Variants in PBX3 observed in about 807,000 individuals in gnomAD.
The protein encoded by PBX3 is pre-B-cell leukemia transcription factor 3.
A neutral mutation model predicts 48.5 loss-of-function variants in PBX3; 14 were observed. The ratio of observed to expected loss-of-function variants is 0.29; its 90% CI spans 0.19 to 0.45. PBX3 has a LOEUF of 0.45. Ranked by LOEUF, PBX3 falls within the 20% of genes least tolerant of loss-of-function variation. The probability of loss-of-function intolerance (pLI) is 1.00; values close to 1 mark genes in which losing one functional copy is unlikely to be tolerated. For synonymous variants in PBX3, 210 were observed against 200.3 expected (o/e 1.05, Z -0.41); for missense variants, 386 against 546.7 (o/e 0.71, Z 2.93).
chr9:125,785,322 G>A (rs141047847), intron 2 of PBX3, among the ~76,000 whole-genome samples: 1 of 152,216 alleles, frequency 6.6e-6, no homozygotes, highest in East Asian at 1.9e-4. Flanking sequence ...TACCCTCAGC[G>A]TGGGTGGGCA....
intron 2 of PBX3, among the ~76,000 whole-genome samples, chr9:125,887,872 C>T (rs999172265): frequency 6.6e-6 from 1 of 152,052 alleles, no homozygotes; most frequent in Admixed American, 6.6e-5. Context: ...TTATTAACTA[C>T]AAAATGCCAA....
chr9:125,945,327 G>T (rs549382484), intron 5 of PBX3, among the ~76,000 whole-genome samples: 8 of 152,268 alleles, frequency 5.3e-5, no homozygotes, highest in African/African-American at 1.9e-4. Flanking sequence ...CACAGAGTAA[G>T]TGAAGATATA....
At chr9:125,853,983 T>TAC (rs1196622138) in intron 2 of PBX3, among the ~76,000 whole-genome samples, 6 of 99,610 alleles carry the variant, frequency 6.0e-5, no homozygotes, top group Non-Finnish European at 8.9e-5. Flanking sequence ...TTGGCTGCTG[T>TAC]ATACACACAC....
intron 2 of PBX3, among the ~76,000 whole-genome samples, chr9:125,828,313 G>A (rs554487177): frequency 3.9e-5 from 6 of 151,958 alleles, no homozygotes; most frequent in Non-Finnish European, 8.8e-5. Context: ...AGCAACAAAT[G>A]GTTTATATAG....
intron 2 of PBX3, among the ~76,000 whole-genome samples, chr9:125,908,140 AAGAC>A (rs1204040322): frequency 6.6e-6 from 1 of 152,174 alleles, no homozygotes; most frequent in Non-Finnish European, 1.5e-5. Context: ...GAGAAACACA[AAGAC>A]AGAAAACATT....
Position 125,935,601 on chromosome 9 carries a change from G to T in PBX3, c.837G>T (p.Val279=). The change falls in exon 5 of 9, where the codon GTG becomes GTT. Residue 279 remains valine (V), a synonymous_variant. Coordinates refer to ENST00000373489, the MANE Select transcript of PBX3 (RefSeq NM_006195.6). ...EELAKKCSIT[V]SQVSNWFGNK... is the part of the protein sequence containing the mutation. The stretch of plus-strand genomic sequence containing the variant: ...TGGCCAAGAAATGCAGCATCACAGT[G>T]TCACAGGTGAGAAAGGACCCATGGG... 6.2e-7 allele frequency: 1 copy of T among 1,613,694 alleles called. No homozygotes were observed. The highest frequency in any genetic ancestry group is 8.5e-7 in the Non-Finnish European group (1 of 1,179,798).
In PBX3 at chr9:125,759,747, GA is replaced by G. The variant is rs1286327799; in HGVS notation, c.274+11125del. ...TTTTTCACACATAAGTTATGCAAAT[GA>G]GCTTTTATGGCAACTGGCATAACAA... On this transcript the variant is annotated intron_variant, in intron 2 of 8. Coordinates refer to ENST00000373489, the MANE Select transcript of PBX3 (RefSeq NM_006195.6). This position sits in a 1 kb window ranked among gnomAD's most constrained non-coding sequence, Gnocchi z 4.2. Among the ~76,000 whole-genome samples the G allele has an allele frequency of 2.6e-5, 4 of 152,212 alleles. No homozygotes were observed. The highest frequency in any genetic ancestry group is 9.6e-5 in the African/African-American group (4 of 41,456).
chr9:125,915,656 C>G lies in PBX3; in HGVS notation c.275-30C>G, dbSNP rs542646703. ...TTGTCCTCTGTTTCTCGCTTCTTCT[C>G]TCTCTGTCTCTCTCTCTCTTTCCTT... On this transcript the variant is annotated intron_variant, in intron 2 of 8. Transcript: ENST00000373489. 18 of 1,554,528 alleles carry G rather than the reference C, an allele frequency of 1.2e-5. No homozygotes were observed. The East Asian group carries it at 1.6e-4, about 14-fold the overall frequency.
chr9:125,788,809 A>C (rs2132056316), intron 2 of PBX3, among the ~76,000 whole-genome samples: 2 of 152,060 alleles, frequency 1.3e-5, no homozygotes, highest in Middle Eastern at 6.8e-3. Context: ...TGGGAGGTGG[A>C]AGTTACAGTG....
At position 125,822,126 on chromosome 9, in the gene PBX3, T is replaced by C. The variant is rs147460747; in HGVS notation, c.274+73503T>C. On this transcript the variant is annotated intron_variant, in intron 2 of 8. Coordinates refer to ENST00000373489, the MANE Select transcript of PBX3 (RefSeq NM_006195.6). ...TAGTGGAGTTATTTTTAAACTGTGC[T>C]ATGAAGAATTATGTAATTTTTCCTA... Among the ~76,000 whole-genome samples, 4 of 152,278 alleles carry C rather than the reference T, an allele frequency of 2.6e-5. No homozygotes were observed. In the East Asian group the frequency reaches 7.7e-4, roughly 29 times the overall value.
At chr9:125,847,919 C>T (rs1839470666) in intron 2 of PBX3, among the ~76,000 whole-genome samples, 1 of 151,874 alleles carries the variant, frequency 6.6e-6, no homozygotes, top group South Asian at 2.1e-4. Context: ...AGGTGTGTTT[C>T]TTATTATCTT....
At chr9:125,905,209 A>C (rs1357844295) in intron 2 of PBX3, among the ~76,000 whole-genome samples, 1 of 151,966 alleles carries the variant, frequency 6.6e-6, no homozygotes, top group Non-Finnish European at 1.5e-5. Flanking sequence ...GATTTTCAGC[A>C]ATCTTAATGT....
intron 5 of PBX3, among the ~76,000 whole-genome samples, chr9:125,955,610 C>A (rs1015584481): frequency 1.3e-5 from 2 of 152,136 alleles, no homozygotes; most frequent in Non-Finnish European, 2.9e-5. Context: ...TTTTCTGCTT[C>A]TGAATTGTGG....
intron 5 of PBX3, among the ~76,000 whole-genome samples, chr9:125,938,141 C>T (rs1184157025): frequency 6.6e-6 from 1 of 152,148 alleles, no homozygotes; most frequent in Non-Finnish European, 1.5e-5. Context: ...AAACTCTGAT[C>T]TATTATTTAC....
In PBX3 at chr9:125,822,542, T is replaced by C. The variant is rs535232931; in HGVS notation, c.274+73919T>C. ...AATAATACTCTTTCTTTAGAAACTCTAAAATGTGTATATTTCTTTACGTTG... is the reference window on the plus strand; with the variant it reads ...AATAATACTCTTTCTTTAGAAACTCCAAAATGTGTATATTTCTTTACGTTG... On this transcript the variant is annotated intron_variant, in intron 2 of 8. Transcript: ENST00000373489. Among the ~76,000 whole-genome samples the C allele has an allele frequency of 1.3e-5, 2 of 152,320 alleles. 1 individual carries two copies. The highest frequency in any genetic ancestry group is 3.9e-4 in the East Asian group (2 of 5,194).
intron 2 of PBX3, among the ~76,000 whole-genome samples, chr9:125,860,880 CTGTCA>C (rs1839845591): frequency 1.3e-5 from 1 of 78,264 alleles, no homozygotes; most frequent in African/African-American, 5.9e-5. Context: ...GAATAAGACT[CTGTCA>C]AAAAAAAAAA....
At chr9:125,938,800 A>G (rs926406994) in intron 5 of PBX3, among the ~76,000 whole-genome samples, 1 of 152,226 alleles carries the variant, frequency 6.6e-6, no homozygotes, top group African/African-American at 2.4e-5. Flanking sequence ...ACCATACCAT[A>G]AAAGATATTA....
At chr9:125,935,130 C>T (rs562195849) in intron 4 of PBX3, among the ~76,000 whole-genome samples, 1 of 152,300 alleles carries the variant, frequency 6.6e-6, no homozygotes, top group East Asian at 1.9e-4. Context: ...TGTTTCAGAA[C>T]TCTTCCTCTG....
chr9:125,803,861 C>T (rs1759440393), intron 2 of PBX3, among the ~76,000 whole-genome samples: 1 of 152,202 alleles, frequency 6.6e-6, no homozygotes, highest in African/African-American at 2.4e-5. Context: ...CTTATGAACT[C>T]TCTGTTTGAA....
Sources: gnomAD v4.1 joint callset for allele counts (sites outside exome capture counted in the v4.1 genomes callset) on GRCh38, gnomAD v4.1.1 for gene constraint, Gnocchi (gnomAD v3.1) non-coding constraint, MANE v1.5 for transcripts, NCBI Gene and HGNC (gene_info 2026-07-23, HGNC 2026-07-21) for gene names.